SLC4A8: variants seen among roughly 807,000 people sequenced by gnomAD.
SLC4A8 encodes the protein solute carrier family 4 member 8.
Under a neutral mutation model 125.0 loss-of-function variants are expected in SLC4A8, and 40 were observed. The ratio of observed to expected loss-of-function variants is 0.32; its 90% CI spans 0.25 to 0.42. The LOEUF is 0.42. SLC4A8 is among the 10% of genes least tolerant of loss of function. The pLI, the probability that SLC4A8 is intolerant of heterozygous loss-of-function variation, is 1.00. For missense variants in SLC4A8, 863 were observed against 1,355.1 expected (o/e 0.64, Z 5.70); for synonymous variants, 456 against 476.0 (o/e 0.96, Z 0.55).
At chr12:51,424,040 AAAAAAAAAAAAAACAAAAAAAACAAC>A (rs1231763801), upstream of SLC4A8, among the ~76,000 whole-genome samples, 38 of 45,092 alleles carry the variant, frequency 8.4e-4, no homozygotes, top group Non-Finnish European at 1.6e-3. Flanking sequence ...TCGTCTCCAA[AAAAAAAAAAAAAACAAAAAAAACAAC>A]AAAAAAAAAA....
intron 9 of SLC4A8, 57 bp from the exon 10 acceptor site, chr12:51,462,253 T>A (rs1950350769): frequency 6.7e-7 from 1 of 1,486,938 alleles, no homozygotes; most frequent in Non-Finnish European, 9.4e-7. Flanking sequence ...TATCCATTGG[T>A]GATTGTTTCA....
At chr12:51,393,123 TTCTC>T (rs1483561566) in intron 1 of SLC4A8, among the ~76,000 whole-genome samples, 2 of 151,976 alleles carry the variant, frequency 1.3e-5, no homozygotes, top group Non-Finnish European at 2.9e-5. Flanking sequence ...TTCTCTTTCT[TTCTC>T]TCTTTCTTTT....
intron 17 of SLC4A8, among the ~76,000 whole-genome samples, chr12:51,486,587 T>C (rs1032896795): frequency 3.3e-5 from 5 of 152,074 alleles, no homozygotes; most frequent in African/African-American, 4.8e-5. Flanking sequence ...ACAAAGAAGA[T>C]AGAAAAGCTG....
At chr12:51,481,111 C>A (rs1377650462) in intron 16 of SLC4A8, among the ~76,000 whole-genome samples, 1 of 152,146 alleles carries the variant, frequency 6.6e-6, no homozygotes, top group Non-Finnish European at 1.5e-5. Context: ...GTGGTTACTA[C>A]TATTAGGGTC....
intron 3 of SLC4A8, among the ~76,000 whole-genome samples, chr12:51,451,321 A>G (rs931031669): frequency 2.0e-5 from 3 of 152,104 alleles, no homozygotes; most frequent in Non-Finnish European, 4.4e-5. Flanking sequence ...TGACCTTGTG[A>G]TCCGGTCTCG....
intron 1 of SLC4A8, among the ~76,000 whole-genome samples, chr12:51,400,724 CTTTATATATA>C (rs1257231025): frequency 9.1e-5 from 5 of 55,010 alleles, no homozygotes; most frequent in African/African-American, 3.3e-4. Flanking sequence ...GAATGAACTC[CTTTATATATA>C]TATATATATA....
chr12:51,480,563 A>G (rs1951000455), intron 16 of SLC4A8: 2 of 987,368 alleles, frequency 2.0e-6, no homozygotes, highest in South Asian at 9.2e-5. Flanking sequence ...ATATCTTTTG[A>G]TTTCCATTTG....
At chr12:51,462,519 G>T in intron 10 of SLC4A8, 63 bp downstream of exon 10, 1 of 1,375,976 alleles carries the variant, frequency 7.3e-7, no homozygotes, top group Non-Finnish European at 9.9e-7. Context: ...CATGGACAAA[G>T]CAAAGACCAT....
Position 51,450,841 on chromosome 12 carries a change from G to A in SLC4A8, c.131-35G>A, listed in dbSNP as rs759495852. 9.9e-6 allele frequency: 16 copies of A among 1,610,694 alleles called. No individual in the cohort carries two copies. The South Asian group carries it at 1.8e-4, about 18-fold the overall frequency. On this transcript the variant is annotated intron_variant, in intron 2 of 24. Transcript: ENST00000453097. ...GTTGTTGTTGTTTTTTAAAACTAAA[G>A]GAGTTCTCTCCACAGACCTTCTGCT... is the stretch of plus-strand genomic sequence containing the variant.
intron 1 of SLC4A8, among the ~76,000 whole-genome samples, chr12:51,436,300 T>C (rs1224638126): frequency 2.0e-5 from 3 of 152,200 alleles, no homozygotes; most frequent in African/African-American, 4.8e-5. Flanking sequence ...TTCAGATCTT[T>C]TAAAATTCTT....
chr12:51,411,669 T>G (rs1948600614), intron 1 of SLC4A8, among the ~76,000 whole-genome samples: 1 of 152,240 alleles, frequency 6.6e-6, no homozygotes, highest in Admixed American at 6.5e-5. Context: ...TCATTTATTT[T>G]CATTTTCATA....
intron 2 of SLC4A8, among the ~76,000 whole-genome samples, chr12:51,443,755 G>A (rs183603101): frequency 6.6e-6 from 1 of 152,268 alleles, no homozygotes; most frequent in East Asian, 1.9e-4. Flanking sequence ...TTGACTTTGA[G>A]TTAACCTGTA....
At chr12:51,480,270 CTG>C in intron 16 of SLC4A8, 1 of 1,264,796 alleles carries the variant, frequency 7.9e-7, no homozygotes, top group Non-Finnish European at 1.0e-6. Context: ...TTGGGAAAAA[CTG>C]GAGCAAATAA....
At chr12:51,480,506 C>T in intron 16 of SLC4A8, 1 of 1,027,846 alleles carries the variant, frequency 9.7e-7, no homozygotes. Context: ...GTGAAGTTCT[C>T]ACTGTATGTG....
chr12:51,451,005 T>A lies in SLC4A8; in HGVS notation c.260T>A (p.Leu87Gln), dbSNP rs1949948490. The change falls in exon 3 of 25, where the codon CTG (leucine) becomes CAG (glutamine). Residue 87 changes from leucine (L) to glutamine (Q), a missense_variant. Leu to Gln is a moderately radical substitution (Grantham distance 113). This residue lies in a region of SLC4A8 where 390 missense variants were observed against 634.4 expected (regional missense o/e 0.61). Coordinates refer to ENST00000453097, the MANE Select transcript of SLC4A8 (RefSeq NM_001039960.3). ...GGAGCCAGCCAGGGGGAGGAAGGCC[T>A]GGAAGCCCTGGCCCACGGTAAGGGC... ...GKGASQGEEG[L>Q]EALAHDTPSQ... The A allele has an allele frequency of 6.5e-7, 1 of 1,534,070 alleles. No individual in the cohort carries two copies.
At chr12:51,473,216 C>T (rs1312756044) in intron 14 of SLC4A8, among the ~76,000 whole-genome samples, 3 of 152,236 alleles carry the variant, frequency 2.0e-5, no homozygotes, top group African/African-American at 7.2e-5. Flanking sequence ...TGCTCTCTCC[C>T]TACCCCCAAC....
chr12:51,404,220 G>T (rs1220820164), intron 1 of SLC4A8, among the ~76,000 whole-genome samples: 3 of 152,184 alleles, frequency 2.0e-5, no homozygotes, highest in Non-Finnish European at 4.4e-5. Context: ...GCATAAAATT[G>T]TCAGTCTGTG....
At position 51,503,561 on chromosome 12, in the gene SLC4A8, ATTG is replaced by A. The variant is rs144995097; in HGVS notation, c.3082-465_3082-463del. On this transcript the variant is annotated intron_variant, in intron 22 of 24. Coordinates refer to ENST00000453097, the MANE Select transcript of SLC4A8 (RefSeq NM_001039960.3). Reference sequence around the variant, plus strand: ...CAAAGGTAGAAAGAAAAGGCTTCTTATTGTTAATAATTTGTTTATTTGAATTAG... The same window carrying A: ...CAAAGGTAGAAAGAAAAGGCTTCTTATTAATAATTTGTTTATTTGAATTAG... Among the ~76,000 whole-genome samples the A allele has an allele frequency of 5.0e-3, 766 of 152,312 alleles. 6 individuals carry two copies. The highest frequency in any genetic ancestry group is 0.017 in the African/African-American group (721 of 41,560).
chr12:51,495,607 C>T (rs930171460), intron 21 of SLC4A8, among the ~76,000 whole-genome samples: 4 of 150,686 alleles, frequency 2.7e-5, no homozygotes, highest in African/African-American at 9.8e-5. Flanking sequence ...TCCCTAATAG[C>T]TGGGATTACA....
Sources: allele counts gnomAD v4.1 joint callset (sites outside exome capture counted in the v4.1 genomes callset), GRCh38; gene constraint gnomAD v4.1.1; regional missense constraint gnomAD v4.1.1; transcripts MANE v1.5; gene names NCBI Gene and HGNC (gene_info 2026-07-23, HGNC 2026-07-21).